Variants in MYO5B observed in about 807,000 individuals in gnomAD.
MYO5B encodes the protein myosin VB, also known as unconventional myosin-Vb.
In MYO5B, 143 loss-of-function variants were observed where a neutral mutation model predicts 229.3. The ratio of observed to expected loss-of-function variants is 0.62; its 90% CI spans 0.54 to 0.72. The LOEUF is 0.72. Ranked by LOEUF, MYO5B falls within the 30% of genes least tolerant of loss-of-function variation. The pLI is 0.00. For synonymous variants in MYO5B, 918 were observed against 885.2 expected, an observed-to-expected ratio of 1.04 and a Z score of -0.66; for missense variants, 2,321 against 2,331.0, an observed-to-expected ratio of 1.00 and a Z score of 0.09.
chr18:50,009,466 A>AAC (rs1429107074), intron 4 of MYO5B, among the ~76,000 whole-genome samples: 1 of 152,222 alleles, frequency 6.6e-6, no homozygotes, highest in East Asian at 1.9e-4. Flanking sequence ...AAGAGATACA[A>AAC]ACACACAAAA....
At chr18:49,837,916 G>A (rs995646814) in intron 36 of MYO5B, 114 bp from the exon 37 acceptor site, 1 of 1,365,196 alleles carries the variant, frequency 7.3e-7, no homozygotes. Flanking sequence ...CCAGAGGTGT[G>A]CAATGTTGAC....
chr18:49,948,275 A>C (rs2025396559), intron 14 of MYO5B, among the ~76,000 whole-genome samples: 1 of 216 alleles, frequency 4.6e-3, no homozygotes, highest in Admixed American at 0.071. Flanking sequence ...CATAATAAAC[A>C]CATTTTTCCT....
chr18:49,893,643 C>T (rs534867925), intron 22 of MYO5B, among the ~76,000 whole-genome samples: 3 of 152,188 alleles, frequency 2.0e-5, no homozygotes, highest in Admixed American at 6.5e-5. Context: ...GGGAAGCCTG[C>T]GTCTTACTTT....
chr18:49,908,635 T>C (rs929012594), intron 18 of MYO5B, among the ~76,000 whole-genome samples: 6 of 152,232 alleles, frequency 3.9e-5, no homozygotes, highest in Non-Finnish European at 8.8e-5. Context: ...CTGCAGATGT[T>C]TGTTAATACA....
intron 4 of MYO5B, among the ~76,000 whole-genome samples, chr18:50,015,130 C>T (rs796474192): frequency 7.2e-5 from 11 of 152,256 alleles, no homozygotes; most frequent in African/African-American, 2.2e-4. Flanking sequence ...AGTGGGTTCA[C>T]GGGACAGGGA....
intron 22 of MYO5B, among the ~76,000 whole-genome samples, chr18:49,880,982 C>T (rs773082584): frequency 3.5e-4 from 53 of 152,322 alleles, no homozygotes; most frequent in African/African-American, 5.3e-4. Flanking sequence ...AAGCCTGCAC[C>T]GAGTCAAGTT....
intron 1 of MYO5B, among the ~76,000 whole-genome samples, chr18:50,067,307 T>C (rs1365825518): frequency 1.3e-5 from 2 of 152,202 alleles, no homozygotes; most frequent in Non-Finnish European, 2.9e-5. Flanking sequence ...GTTCTATCTG[T>C]ACATGGGAGC....
At chr18:50,043,474 C>CATATATAAATATAAATATATTTATATTT (rs1568083460) in intron 2 of MYO5B, among the ~76,000 whole-genome samples, 13 of 78,038 alleles carry the variant, frequency 1.7e-4, no homozygotes, top group African/African-American at 6.7e-4. Flanking sequence ...TATATATTTA[C>CATATATAAATATAAATATATTTATATTT]ATATATAAAT....
At chr18:50,129,559 C>T (rs932003634) in intron 1 of MYO5B, among the ~76,000 whole-genome samples, 14 of 152,324 alleles carry the variant, frequency 9.2e-5, no homozygotes, top group Non-Finnish European at 1.3e-4. Context: ...CCTCACCATA[C>T]GCCAGCCCAT....
At chr18:49,931,524 A>G (rs2144199638) in intron 16 of MYO5B, among the ~76,000 whole-genome samples, 1 of 152,300 alleles carries the variant, frequency 6.6e-6, no homozygotes, top group Non-Finnish European at 1.5e-5. Flanking sequence ...CTTTCTAACT[A>G]GAGTAAAAGC....
chr18:49,889,290 A>G (rs1040218804), intron 22 of MYO5B, among the ~76,000 whole-genome samples: 1 of 152,244 alleles, frequency 6.6e-6, no homozygotes, highest in Non-Finnish European at 1.5e-5. Flanking sequence ...AGTTCACTCA[A>G]TGACTTCAGG....
intron 21 of MYO5B, among the ~76,000 whole-genome samples, chr18:49,896,411 C>A (rs2024779785): frequency 1.3e-5 from 2 of 152,196 alleles, no homozygotes; most frequent in Non-Finnish European, 2.9e-5. Context: ...ACACCGAATG[C>A]ACGTCTGTAT....
At chr18:49,893,726 G>C (rs1480557234) in intron 22 of MYO5B, among the ~76,000 whole-genome samples, 1 of 152,214 alleles carries the variant, frequency 6.6e-6, no homozygotes, top group Admixed American at 6.5e-5. Flanking sequence ...GGTGAAGGCA[G>C]GAGCTGATGG....
intron 1 of MYO5B, among the ~76,000 whole-genome samples, chr18:50,131,947 G>A (rs1236135729): frequency 6.6e-6 from 1 of 152,198 alleles, no homozygotes; most frequent in Non-Finnish European, 1.5e-5. Context: ...TTTGTGAAGA[G>A]AGAACATTTA....
At chr18:49,962,036 CAA>C (rs1156434011) in intron 12 of MYO5B, among the ~76,000 whole-genome samples, 1 of 152,184 alleles carries the variant, frequency 6.6e-6, no homozygotes, top group Middle Eastern at 3.2e-3. Flanking sequence ...CAGGCTCCCC[CAA>C]GAGAGGCATA....
At chr18:49,934,525 C>T (rs751264610) in intron 16 of MYO5B, among the ~76,000 whole-genome samples, 1 of 152,176 alleles carries the variant, frequency 6.6e-6, no homozygotes, top group Non-Finnish European at 1.5e-5. Flanking sequence ...AGGGAAAGGC[C>T]CAAGGCCACA....
chr18:49,866,557 T>A (rs114113725), intron 27 of MYO5B, among the ~76,000 whole-genome samples: 1 of 152,196 alleles, frequency 6.6e-6, no homozygotes, highest in African/African-American at 2.4e-5. Context: ...GTCTCTGAGT[T>A]TGAACCTTCT....
chr18:50,018,934 C>A (rs1241850444), intron 4 of MYO5B, among the ~76,000 whole-genome samples: 2 of 152,180 alleles, frequency 1.3e-5, no homozygotes, highest in African/African-American at 2.4e-5. Context: ...AAAGAGGTAG[C>A]ACTTTTCTCT....
At position 50,040,266 on chromosome 18, in the gene MYO5B, G is replaced by C; in HGVS notation, c.187C>G (p.Arg63Gly). The C allele has an allele frequency of 6.2e-7, 1 of 1,614,058 alleles. No homozygotes were observed. Among genetic ancestry groups the C allele is most frequent in the Non-Finnish European group, 8.5e-7 (1 of 1,179,984 alleles). ...TCTCCCACCAAGATATCTGGATTCC[G>C]TAAGAAGGGCAGCTGGTTGCGTTGT... is the stretch of plus-strand genomic sequence containing the variant. ...DVQRNQLPFLRNPDILVGEND... is the reference protein window; with the variant it reads ...DVQRNQLPFLGNPDILVGEND... Residue 63 changes from arginine (R) to glycine (G), a missense_variant, in exon 3 of 40, where the codon CGG becomes GGG. Arg to Gly is a moderately radical substitution (Grantham distance 125, BLOSUM62 -2). Around this residue, in one of 2 missense-constraint regions of MYO5B, gnomAD observed 2,113 missense variants for 2,044.7 expected, o/e 1.03. Coordinates refer to ENST00000285039, the MANE Select transcript of MYO5B (RefSeq NM_001080467.3).
Sources: gnomAD v4.1 joint callset for allele counts (sites outside exome capture counted in the v4.1 genomes callset) on GRCh38, gnomAD v4.1.1 for gene constraint, gnomAD v4.1.1 regional missense constraint, MANE v1.5 for transcripts, NCBI Gene and HGNC (gene_info 2026-07-23, HGNC 2026-07-21) for gene names.